KCND3: variants seen among roughly 807,000 people sequenced by gnomAD.
The protein encoded by KCND3 is potassium voltage-gated channel subfamily D member 3, also known as A-type voltage-gated potassium channel KCND3.
In KCND3, 9 loss-of-function variants were observed where a neutral mutation model predicts 51.1. The ratio of observed to expected loss-of-function variants is 0.18; its 90% CI spans 0.11 to 0.31. KCND3 has a LOEUF of 0.31. Ranked by LOEUF, KCND3 falls within the 10% of genes least tolerant of loss-of-function variation. The pLI is 1.00. For synonymous variants in KCND3, 349 were observed against 368.0 expected (o/e 0.95, Z 0.59); for missense variants, 526 against 903.8 (o/e 0.58, Z 5.36).
intron 2 of KCND3, among the ~76,000 whole-genome samples, chr1:111,866,473 C>T (rs981854943): frequency 4.6e-5 from 7 of 151,892 alleles, no homozygotes; most frequent in Non-Finnish European, 8.8e-5. Context: ...CCATGTTGCC[C>T]ATGCTGGTCT....
intron 2 of KCND3, among the ~76,000 whole-genome samples, chr1:111,858,953 T>A (rs1197952329): frequency 6.6e-6 from 1 of 152,230 alleles, no homozygotes; most frequent in Non-Finnish European, 1.5e-5. Context: ...AGATCTTTGG[T>A]CAAATGTCAA....
At chr1:111,863,376 A>G (rs1265413836) in intron 2 of KCND3, among the ~76,000 whole-genome samples, 2 of 152,090 alleles carry the variant, frequency 1.3e-5, no homozygotes, top group African/African-American at 4.8e-5. Flanking sequence ...AGAGATGAAA[A>G]TTTAAATCAA....
chr1:111,909,418 G>A (rs1351134611), intron 2 of KCND3: 1 of 152,206 alleles, frequency 6.6e-6, no homozygotes, highest in Non-Finnish European at 1.5e-5. Context: ...GAGAGTCAGA[G>A]GGACATTTTG....
intron 1 of KCND3, among the ~76,000 whole-genome samples, chr1:111,987,496 T>C (rs1320373131): frequency 6.6e-6 from 1 of 152,124 alleles, no homozygotes; most frequent in Admixed American, 6.5e-5. Context: ...ATTGTTACTT[T>C]CTCTGTGTGT....
chr1:111,919,691 A>T (rs1470690960), intron 2 of KCND3, among the ~76,000 whole-genome samples: 1 of 152,186 alleles, frequency 6.6e-6, no homozygotes, highest in Non-Finnish European at 1.5e-5. Context: ...AAATTTACAC[A>T]TGAACAAATA....
intron 2 of KCND3, among the ~76,000 whole-genome samples, chr1:111,839,234 A>G (rs1340622710): frequency 2.0e-5 from 3 of 152,218 alleles, no homozygotes; most frequent in Non-Finnish European, 2.9e-5. Context: ...GTATCTGCCC[A>G]TTCTTTCAGT....
intron 2 of KCND3, among the ~76,000 whole-genome samples, chr1:111,943,294 T>C (rs1672615599): frequency 6.6e-6 from 1 of 152,166 alleles, no homozygotes; most frequent in African/African-American, 2.4e-5. Context: ...CCCCACCTGT[T>C]TCCACTCAGC....
At chr1:111,957,342 C>T (rs1204138684) in intron 2 of KCND3, among the ~76,000 whole-genome samples, 2 of 152,206 alleles carry the variant, frequency 1.3e-5, no homozygotes, top group Non-Finnish European at 2.9e-5. Context: ...ACCCGAGGAA[C>T]GTGATGGGCC....
At chr1:111,835,721 C>T (rs1010546478) in intron 2 of KCND3, among the ~76,000 whole-genome samples, 1 of 152,218 alleles carries the variant, frequency 6.6e-6, no homozygotes, top group Non-Finnish European at 1.5e-5. Context: ...AGTTCTGGGA[C>T]ATCCCTGCCC....
chr1:111,835,509 G>A (rs1667028922), intron 2 of KCND3, among the ~76,000 whole-genome samples: 1 of 152,154 alleles, frequency 6.6e-6, no homozygotes, highest in Non-Finnish European at 1.5e-5. Context: ...AGACCCTGCT[G>A]ATAAAACAGG....
intron 2 of KCND3, among the ~76,000 whole-genome samples, chr1:111,921,246 G>A (rs1443957670): frequency 6.6e-6 from 1 of 152,176 alleles, no homozygotes; most frequent in African/African-American, 2.4e-5. Context: ...ACTTGTGCAA[G>A]GCTACAGCTG....
Position 111,888,636 on chromosome 1 carries a change from C to T in KCND3, c.1106+92985G>A, listed in dbSNP as rs573797416. 5.0e-4 allele frequency among the ~76,000 whole-genome samples: 71 copies of T among 141,934 alleles called. 1 individual carries two copies. Among genetic ancestry groups the T allele is most frequent in the African/African-American group, 1.7e-3 (66 of 37,742 alleles). 93.1% of individuals were successfully genotyped at this position (141,934 alleles called of 152,430 possible). ...GGCAGAGGTTGCAGTGAGCCAAGAT[C>T]ACACCACTGCACTCCAGCCTGGATG... On this transcript the variant is annotated intron_variant, in intron 2 of 7. Coordinates refer to ENST00000302127, the MANE Select transcript of KCND3 (RefSeq NM_001378969.1).
At chr1:111,786,293 C>T (rs1483780327) in intron 3 of KCND3, among the ~76,000 whole-genome samples, 1 of 152,242 alleles carries the variant, frequency 6.6e-6, no homozygotes, top group Non-Finnish European at 1.5e-5. Context: ...AGCCTTCAGA[C>T]ATTTTTCCTC....
chr1:111,785,098 G>C (rs1174732849), intron 3 of KCND3, among the ~76,000 whole-genome samples: 1 of 152,148 alleles, frequency 6.6e-6, no homozygotes, highest in Non-Finnish European at 1.5e-5. Flanking sequence ...AAAGGTAGCT[G>C]TAGGAGCCAC....
chr1:111,852,205 T>G (rs540670803), intron 2 of KCND3, among the ~76,000 whole-genome samples: 10 of 152,358 alleles, frequency 6.6e-5, no homozygotes, highest in African/African-American at 2.4e-4. Context: ...CTGGAAAGTC[T>G]GAGTGGTCAG....
At chr1:111,858,985 G>C (rs1668215675) in intron 2 of KCND3, among the ~76,000 whole-genome samples, 1 of 152,096 alleles carries the variant, frequency 6.6e-6, no homozygotes, top group Non-Finnish European at 1.5e-5. Flanking sequence ...GGACCTTCTG[G>C]GACCAGCAGC....
At chr1:111,815,275 C>T (rs1157739923) in intron 2 of KCND3, among the ~76,000 whole-genome samples, 2 of 151,930 alleles carry the variant, frequency 1.3e-5, no homozygotes, top group Admixed American at 6.6e-5. Context: ...CAGTGATGTT[C>T]CCCTCTCTTC....
At chr1:111,818,312 G>A (rs1666200106) in intron 2 of KCND3, among the ~76,000 whole-genome samples, 1 of 152,214 alleles carries the variant, frequency 6.6e-6, no homozygotes, top group African/African-American at 2.4e-5. Flanking sequence ...AGGAGTTCTT[G>A]AGAACAGATT....
intron 2 of KCND3, among the ~76,000 whole-genome samples, chr1:111,811,967 C>G (rs569993145): frequency 6.6e-6 from 1 of 152,286 alleles, no homozygotes; most frequent in Admixed American, 6.5e-5. Context: ...GATGAAGGAC[C>G]AGTGAGAGCA....
Sources: allele counts gnomAD v4.1 joint callset (sites outside exome capture counted in the v4.1 genomes callset), GRCh38; gene constraint gnomAD v4.1.1; transcripts MANE v1.5; gene names NCBI Gene and HGNC (gene_info 2026-07-23, HGNC 2026-07-21).